The following PSD3 variants were observed in gnomAD, a reference collection of about 807,000 sequenced individuals.
The protein encoded by PSD3 is pleckstrin and Sec7 domain containing 3, also known as PH and SEC7 domain-containing protein 3.
A neutral mutation model predicts 105.5 loss-of-function variants in PSD3; 49 were observed. That is an observed-to-expected ratio of 0.46 (90% CI 0.37 to 0.59). The LOEUF (loss-of-function observed/expected upper bound fraction) is 0.59. Among genes scored for constraint, PSD3 ranks in the 20% least tolerant of loss-of-function variants. The pLI is 0.00. For missense variants in PSD3, 1,561 were observed against 1,263.8 expected (o/e 1.24, Z -3.57); for synonymous variants, 557 against 457.8 (o/e 1.22, Z -2.77).
chr8:18,971,290 C>G (rs1338045513), intron 1 of PSD3, among the ~76,000 whole-genome samples: 5 of 152,170 alleles, frequency 3.3e-5, no homozygotes. Context: ...ACAAGCAGGG[C>G]AAAGCTCAGC....
chr8:18,574,272 A>G (rs1391463698), intron 13 of PSD3, among the ~76,000 whole-genome samples: 1 of 152,186 alleles, frequency 6.6e-6, no homozygotes, highest in Non-Finnish European at 1.5e-5. Flanking sequence ...CTCTAGGCTG[A>G]TCTCTCTGGC....
chr8:18,722,958 C>T (rs1803097868), intron 9 of PSD3, among the ~76,000 whole-genome samples: 1 of 152,222 alleles, frequency 6.6e-6, no homozygotes, highest in South Asian at 2.1e-4. Context: ...TACATGTTAT[C>T]AGTTTTGTTT....
In PSD3 at chr8:18,971,809, G is replaced by A. The variant is rs563891841; in HGVS notation, c.22-35667C>T. The stretch of plus-strand genomic sequence containing the variant: ...CACTTGAGGTCAGGAGTTCAAGATC[G>A]GCCTGGCCAACACAGTGAAACCCCG... On this transcript the variant is annotated intron_variant, in intron 1 of 15. Transcript: ENST00000327040. Among the ~76,000 whole-genome samples the A allele has an allele frequency of 5.9e-5, 9 of 151,978 alleles. No homozygotes were observed. In the South Asian group the frequency reaches 8.3e-4, roughly 14 times the overall value.
chr8:18,804,866 G>A lies in PSD3; in HGVS notation c.1667C>T (p.Ala556Val). The A allele has an allele frequency of 6.2e-7, 1 of 1,612,646 alleles. No homozygotes were observed. Among genetic ancestry groups the A allele is most frequent in the African/African-American group, 1.3e-5 (1 of 74,984 alleles). ...TTCAGTGCTCCCCATTTCAGAATGA[G>A]CTTCTAGCCGTGTTGTTTTCACCCC... ...NAGVKTTRLEAHSEMGSTEIL... is the reference protein window; with the variant it reads ...NAGVKTTRLEVHSEMGSTEIL... Residue 556 changes from alanine (A) to valine (V), a missense_variant, in exon 5 of 16, where the codon GCT (alanine) becomes GTT (valine). Coordinates refer to ENST00000327040, the MANE Select transcript of PSD3 (RefSeq NM_015310.4).
At chr8:18,627,814 A>AAG (rs1585430669) in intron 11 of PSD3, among the ~76,000 whole-genome samples, 1 of 151,890 alleles carries the variant, frequency 6.6e-6, no homozygotes, top group African/African-American at 2.4e-5. Flanking sequence ...AAAAGGAAAA[A>AAG]AAAACCAACT....
At chr8:19,071,811 G>C (rs1054323047) in intron 1 of PSD3, among the ~76,000 whole-genome samples, 3 of 152,134 alleles carry the variant, frequency 2.0e-5, no homozygotes, top group African/African-American at 7.2e-5. Context: ...CCAGGTTCAA[G>C]AGATTCTCCT....
chr8:18,847,511 G>A lies in PSD3; in HGVS notation c.1634+20163C>T, dbSNP rs376075425. ...TACCTGCTCCAATCCCAGTATCCTC[G>A]TTGTTTTCAATTTGTTTTGAATAAA... On this transcript the variant is annotated intron_variant, in intron 4 of 15. Coordinates refer to ENST00000327040, the MANE Select transcript of PSD3 (RefSeq NM_015310.4). Among the ~76,000 whole-genome samples the A allele has an allele frequency of 2.0e-3, 308 of 152,166 alleles. 4 individuals are homozygous for A. The South Asian group carries it at 0.024, about 12-fold the overall frequency.
intron 2 of PSD3, among the ~76,000 whole-genome samples, chr8:18,914,434 T>C (rs1316587349): frequency 6.6e-6 from 1 of 152,090 alleles, no homozygotes; most frequent in Non-Finnish European, 1.5e-5. Context: ...AATGGTCTCT[T>C]TTTGCAACTG....
chr8:18,926,643 G>A (rs1416791221), intron 2 of PSD3, among the ~76,000 whole-genome samples: 1 of 152,188 alleles, frequency 6.6e-6, no homozygotes, highest in Non-Finnish European at 1.5e-5. Context: ...GTTGGCAAGA[G>A]TGTGGAGAAA....
At chr8:18,925,193 C>A (rs1333741990) in intron 2 of PSD3, among the ~76,000 whole-genome samples, 1 of 152,124 alleles carries the variant, frequency 6.6e-6, no homozygotes, top group Non-Finnish European at 1.5e-5. Context: ...TTGAGACCTG[C>A]CGGGGCAGCA....
chr8:18,608,514 C>T (rs1018981052), intron 11 of PSD3, among the ~76,000 whole-genome samples: 3 of 152,140 alleles, frequency 2.0e-5, no homozygotes, highest in African/African-American at 4.8e-5. Flanking sequence ...GATATTGGAG[C>T]CATCACTGAA....
chr8:18,656,039 G>A (rs763682181), intron 9 of PSD3, among the ~76,000 whole-genome samples: 2 of 152,232 alleles, frequency 1.3e-5, no homozygotes, highest in Middle Eastern at 3.4e-3. Flanking sequence ...CAGTTGGACA[G>A]TGGAGTACTC....
chr8:18,643,346 T>C (rs1807790117), intron 10 of PSD3, among the ~76,000 whole-genome samples: 1 of 152,152 alleles, frequency 6.6e-6, no homozygotes, highest in Non-Finnish European at 1.5e-5. Flanking sequence ...CAAACCATAG[T>C]ATTCTGTCTG....
intron 11 of PSD3, among the ~76,000 whole-genome samples, chr8:18,617,392 G>A (rs67161250): frequency 6.6e-6 from 1 of 151,884 alleles, no homozygotes; most frequent in African/African-American, 2.4e-5. Context: ...TTAGCTGGTC[G>A]TGATGGTGGG....
At chr8:18,755,303 G>A (rs960581648) in intron 9 of PSD3, among the ~76,000 whole-genome samples, 1 of 151,988 alleles carries the variant, frequency 6.6e-6, no homozygotes, top group Non-Finnish European at 1.5e-5. Flanking sequence ...GGTGGCACGC[G>A]CCTGTAATCT....
Position 19,013,631 on chromosome 8 carries a change from C to T in PSD3, c.-48G>A. 3.0e-6 allele frequency: 4 copies of T among 1,336,396 alleles called. No individual in the cohort carries two copies. Among genetic ancestry groups the T allele is most frequent in the Non-Finnish European group, 2.9e-6 (3 of 1,051,680 alleles). 82.8% of individuals were successfully genotyped at this position (1,336,396 alleles called of 1,614,324 possible). ...GCGCCGAAACCGCCGCCGGGCGCTC[C>T]GGGGCCGCAGCCTCAGGGCGCGAGT... On this transcript the variant is annotated 5_prime_UTR_variant, in exon 1 of 16. Coordinates refer to ENST00000327040, the MANE Select transcript of PSD3 (RefSeq NM_015310.4).
At chr8:19,077,064 G>A (rs552250696) in intron 1 of PSD3, among the ~76,000 whole-genome samples, 6 of 152,198 alleles carry the variant, frequency 3.9e-5, no homozygotes, top group Admixed American at 1.3e-4. Context: ...TGTTGTTATA[G>A]GATATTGGAA....
intron 1 of PSD3, among the ~76,000 whole-genome samples, chr8:18,960,210 C>G (rs1280466019): frequency 6.6e-6 from 1 of 152,120 alleles, no homozygotes; most frequent in Non-Finnish European, 1.5e-5. Context: ...AGAACAAAGA[C>G]GATGCTCAAC....
At chr8:19,035,799 G>T (rs1168771892) in intron 1 of PSD3, among the ~76,000 whole-genome samples, 1 of 152,022 alleles carries the variant, frequency 6.6e-6, no homozygotes, top group Non-Finnish European at 1.5e-5. Flanking sequence ...CTTTTGCCCA[G>T]CCTGGAGTGC....
Sources: gnomAD v4.1 joint callset for allele counts (sites outside exome capture counted in the v4.1 genomes callset) on GRCh38, gnomAD v4.1.1 for gene constraint, MANE v1.5 for transcripts, NCBI Gene and HGNC (gene_info 2026-07-23, HGNC 2026-07-21) for gene names.